The following BCAS3 variants were observed in gnomAD, a reference collection of about 807,000 sequenced individuals.
BCAS3 encodes BCAS4/BCAS3 fusion.
In BCAS3, 53 loss-of-function variants were observed where a neutral mutation model predicts 116.1. That is an observed-to-expected ratio of 0.46 (90% confidence interval 0.37 to 0.57). The LOEUF (loss-of-function observed/expected upper bound fraction) is 0.57, where lower values mean the gene tolerates loss of function less well. BCAS3 is among the 20% of genes least tolerant of loss of function. The pLI, the probability that BCAS3 is intolerant of heterozygous loss-of-function variation, is 0.00. For missense variants in BCAS3, 917 were observed against 1,165.4 expected (o/e 0.79, Z 3.10); for synonymous variants, 391 against 408.2 (o/e 0.96, Z 0.51).
intron 2 of BCAS3, among the ~76,000 whole-genome samples, chr17:60,680,361 G>C (rs1354754759): frequency 6.6e-6 from 1 of 152,018 alleles, no homozygotes; most frequent in Non-Finnish European, 1.5e-5. Flanking sequence ...TTGTTGTACA[G>C]ATTATTTCAT....
chr17:60,699,721 T>G (rs934160371), intron 4 of BCAS3, among the ~76,000 whole-genome samples: 1 of 152,096 alleles, frequency 6.6e-6, no homozygotes, highest in Non-Finnish European at 1.5e-5. Flanking sequence ...GAATAGGAAG[T>G]CATTAATACG....
rs146266446 is a variant in BCAS3, at chr17:61,178,152, A to G, written c.2425+93588A>G. On this transcript the variant is annotated intron_variant, in intron 22 of 23. Coordinates refer to ENST00000407086, the MANE Select transcript of BCAS3 (RefSeq NM_017679.5). ...TGGTTGGGTGGGCTGTATACATTCA[A>G]TCTGCCCTCTTATTCCATGGACGTC... Among the ~76,000 whole-genome samples the G allele has an allele frequency of 3.2e-3, 492 of 152,266 alleles. 3 individuals are homozygous for G. Among genetic ancestry groups the G allele is most frequent in the African/African-American group, 0.011 (460 of 41,560 alleles).
chr17:61,103,223 T>G (rs985686616), intron 22 of BCAS3, among the ~76,000 whole-genome samples: 11 of 152,164 alleles, frequency 7.2e-5, no homozygotes, highest in African/African-American at 2.7e-4. Flanking sequence ...CTTATTACTC[T>G]TGTAATAAAT....
chr17:60,857,104 TAAAGA>T (rs1209987567), intron 7 of BCAS3, among the ~76,000 whole-genome samples: 1 of 152,202 alleles, frequency 6.6e-6, no homozygotes, highest in African/African-American at 2.4e-5. Context: ...GTTACTTACA[TAAAGA>T]AAAGGTCAGT....
chr17:60,941,214 A>G (rs942036140), intron 13 of BCAS3, among the ~76,000 whole-genome samples: 12 of 152,206 alleles, frequency 7.9e-5, no homozygotes, highest in African/African-American at 2.7e-4. Context: ...TCCAGGCCCT[A>G]TAATTAGAAG....
In BCAS3 at chr17:61,300,621, A is replaced by G. The variant is rs984563729; in HGVS notation, c.2426-67706A>G. ...AATGCCATGCGAGGGCAAGCTGGGA[A>G]CAGTGAACACTCAAACAATGAGAGA... On this transcript the variant is annotated intron_variant, in intron 22 of 23. Coordinates refer to ENST00000407086, the MANE Select transcript of BCAS3 (RefSeq NM_017679.5). The surrounding 1 kb of genome is among the most constrained non-coding windows in gnomAD (Gnocchi z 5.1). Among the ~76,000 whole-genome samples the G allele has an allele frequency of 6.6e-6, 1 of 152,230 alleles. No homozygotes were observed. Among genetic ancestry groups the G allele is most frequent in the African/African-American group, 2.4e-5 (1 of 41,460 alleles).
At chr17:60,982,684 A>T (rs2145405447) in intron 14 of BCAS3, among the ~76,000 whole-genome samples, 1 of 152,278 alleles carries the variant, frequency 6.6e-6, no homozygotes, top group South Asian at 2.1e-4. Context: ...CTCATTGTAG[A>T]TCTATATTAC....
intron 22 of BCAS3, among the ~76,000 whole-genome samples, chr17:61,294,171 A>G (rs1313956715): frequency 5.9e-5 from 9 of 152,232 alleles, no homozygotes; most frequent in East Asian, 1.9e-4. Context: ...CAATAAATGT[A>G]TAGAACAGAT....
chr17:60,819,295 A>G (rs985184481), intron 7 of BCAS3, among the ~76,000 whole-genome samples: 7 of 152,214 alleles, frequency 4.6e-5, no homozygotes, highest in African/African-American at 1.4e-4. Flanking sequence ...ATGCTGAACA[A>G]ATCTCAGTGG....
chr17:61,298,318 T>C (rs1396995232), intron 22 of BCAS3, among the ~76,000 whole-genome samples: 5 of 151,998 alleles, frequency 3.3e-5, no homozygotes, highest in African/African-American at 1.2e-4. Flanking sequence ...CTTAACTCAT[T>C]AGGGGTCATT....
intron 22 of BCAS3, among the ~76,000 whole-genome samples, chr17:61,094,889 T>C (rs372987577): frequency 1.3e-5 from 2 of 152,356 alleles, no homozygotes; most frequent in East Asian, 3.9e-4. Context: ...TTAACTAATA[T>C]GATTTTTTGC....
At chr17:61,133,781 T>C (rs933724478) in intron 22 of BCAS3, among the ~76,000 whole-genome samples, 11 of 151,066 alleles carry the variant, frequency 7.3e-5, no homozygotes, top group African/African-American at 2.7e-4. Flanking sequence ...AAATAGGTTA[T>C]TTCCTTAGCC....
chr17:61,068,018 T>A lies in BCAS3; in HGVS notation c.2030-6902T>A, dbSNP rs2143383602. Among the ~76,000 whole-genome samples, 1 of 152,244 alleles carries A rather than the reference T, an allele frequency of 6.6e-6. No individual in the cohort carries two copies. Among genetic ancestry groups the A allele is most frequent in the South Asian group, 2.1e-4 (1 of 4,824 alleles). On this transcript the variant is annotated intron_variant, in intron 19 of 23. Transcript: ENST00000407086. The surrounding 1 kb of genome is among the most constrained non-coding windows in gnomAD (Gnocchi z 4.3). ...ATTGATAGTATTCCCTATTCAGTAT[T>A]TTCCTTTTCAGTTTGGCAGATAAGG...
chr17:60,795,227 T>C (rs1383248952), intron 6 of BCAS3, among the ~76,000 whole-genome samples: 2 of 152,192 alleles, frequency 1.3e-5, no homozygotes, highest in Non-Finnish European at 2.9e-5. Flanking sequence ...TTGGTCGCTG[T>C]TGGTGTATAG....
At position 61,327,398 on chromosome 17, in the gene BCAS3, A is replaced by C. The variant is rs893062508; in HGVS notation, c.2426-40929A>C. Among the ~76,000 whole-genome samples the C allele has an allele frequency of 6.6e-6, 1 of 152,260 alleles. No homozygotes were observed. Among genetic ancestry groups the C allele is most frequent in the Non-Finnish European group, 1.5e-5 (1 of 68,050 alleles). ...GAGTCAAGGAGACATTTACAAGTTA[A>C]TATAATAAATGTAAATGTTTATGAC... is the stretch of plus-strand genomic sequence containing the variant. On this transcript the variant is annotated intron_variant, in intron 22 of 23. Transcript: ENST00000407086. The surrounding 1 kb of genome is among the most constrained non-coding windows in gnomAD (Gnocchi z 5.9).
intron 22 of BCAS3, among the ~76,000 whole-genome samples, chr17:61,353,095 A>G (rs1349573670): frequency 6.6e-6 from 1 of 152,150 alleles, no homozygotes; most frequent in Non-Finnish European, 1.5e-5. Flanking sequence ...TGGATAGACA[A>G]GCCGGATGTA....
rs866369715 is a variant in BCAS3 at position 60,841,395 on chromosome 17, T to C, written c.477-27181T>C. ...TCTTCTCATACTTTTTTTTTTTTTT[T>C]TTGAGACCGAGTCTCGCTCTGTCAC... On this transcript the variant is annotated intron_variant, in intron 7 of 23. Transcript: ENST00000407086. Among the ~76,000 whole-genome samples, 6 of 151,400 alleles carry C rather than the reference T, an allele frequency of 4.0e-5. No individual in the cohort carries two copies. The South Asian group carries it at 1.3e-3, about 32-fold the overall frequency.
intron 6 of BCAS3, among the ~76,000 whole-genome samples, chr17:60,790,202 A>G (rs2046640922): frequency 6.6e-6 from 1 of 152,226 alleles, no homozygotes; most frequent in Admixed American, 6.5e-5. Context: ...GGACTGATAT[A>G]CTTCAGTAGG....
chr17:61,054,807 G>A (rs1568238503), intron 19 of BCAS3, among the ~76,000 whole-genome samples: 1 of 152,100 alleles, frequency 6.6e-6, no homozygotes, highest in East Asian at 1.9e-4. Context: ...TCAGATTGTT[G>A]TATGACTTGC....
Sources: gnomAD v4.1 joint callset for allele counts (sites outside exome capture counted in the v4.1 genomes callset) on GRCh38, gnomAD v4.1.1 for gene constraint, Gnocchi (gnomAD v3.1) non-coding constraint, MANE v1.5 for transcripts, NCBI Gene and HGNC (gene_info 2026-07-23, HGNC 2026-07-21) for gene names.